The following CLSTN2 variants were observed in gnomAD, a reference collection of about 807,000 sequenced individuals.
CLSTN2 encodes calsyntenin 2.
In CLSTN2, 48 loss-of-function variants were observed where a neutral mutation model predicts 101.2. The observed-to-expected ratio is 0.47, with a 90% CI of 0.38 to 0.60. CLSTN2 has a LOEUF of 0.60. CLSTN2 is among the 20% of genes least tolerant of loss of function. The pLI, the probability that CLSTN2 is intolerant of heterozygous loss-of-function variation, is 0.00. For synonymous variants in CLSTN2, 481 were observed against 463.6 expected (o/e 1.04, Z -0.48); for missense variants, 1,160 against 1,238.2 (o/e 0.94, Z 0.95).
chr3:140,421,109 C>G lies in CLSTN2; in HGVS notation c.638-16C>G. ...TAAATTGACCTGAAATGCTTTTGAA[C>G]ATCTCTGTTCCTCAGGCAACATCAG... is the stretch of plus-strand genomic sequence containing the variant. On this transcript the variant is annotated splice_polypyrimidine_tract_variant and intron_variant, in intron 4 of 16. Transcript: ENST00000458420. 1 of 1,611,100 alleles carries G rather than the reference C, an allele frequency of 6.2e-7. No individual in the cohort carries two copies. The highest frequency in any genetic ancestry group is 8.5e-7 in the Non-Finnish European group (1 of 1,178,676).
At chr3:140,092,269 C>T (rs2008792065) in intron 1 of CLSTN2, among the ~76,000 whole-genome samples, 1 of 152,188 alleles carries the variant, frequency 6.6e-6, no homozygotes, top group Admixed American at 6.5e-5. Flanking sequence ...CACTTTTGGA[C>T]ATGCTGGATA....
At chr3:140,542,560 A>AT (rs961461574) in intron 9 of CLSTN2, among the ~76,000 whole-genome samples, 13 of 151,714 alleles carry the variant, frequency 8.6e-5, no homozygotes, top group Non-Finnish European at 1.3e-4. Flanking sequence ...TATATCTATT[A>AT]TTTTTTTTTA....
chr3:140,317,036 C>T (rs1239276239), intron 2 of CLSTN2, among the ~76,000 whole-genome samples: 1 of 152,124 alleles, frequency 6.6e-6, no homozygotes, highest in Non-Finnish European at 1.5e-5. Context: ...TGGTGTTAGG[C>T]AGAGTCATAA....
At chr3:140,059,498 T>C (rs1476468395) in intron 1 of CLSTN2, among the ~76,000 whole-genome samples, 1 of 152,126 alleles carries the variant, frequency 6.6e-6, no homozygotes, top group African/African-American at 2.4e-5. Flanking sequence ...GAGAGCTACA[T>C]GGAGAGGGTT....
At chr3:139,939,245 C>T (rs1040083887) in intron 1 of CLSTN2, among the ~76,000 whole-genome samples, 2 of 152,312 alleles carry the variant, frequency 1.3e-5, no homozygotes, top group Middle Eastern at 3.4e-3. Flanking sequence ...GTCACAGGCA[C>T]TGTTGCTAAT....
At position 140,566,509 on chromosome 3, in the gene CLSTN2, T is replaced by G; in HGVS notation, c.*256T>G. 2.2e-5 allele frequency: 11 copies of G among 510,058 alleles called. No individual in the cohort carries two copies. The highest frequency in any genetic ancestry group is 3.5e-5 in the Non-Finnish European group (10 of 282,740). The allele number at this position is 510,058 out of a possible 1,614,324, so 31.6% of individuals were successfully genotyped here. On this transcript the variant is annotated 3_prime_UTR_variant, in exon 17 of 17. Transcript: ENST00000458420. ...CTGTAGCCTCCACTTCTGCCCTAAG[T>G]TCCCCAGCATCCTGACTACCTGTCT...
At chr3:140,336,044 C>A (rs188080609) in intron 2 of CLSTN2, among the ~76,000 whole-genome samples, 152 of 152,212 alleles carry the variant, frequency 1.0e-3, no homozygotes, top group Middle Eastern at 3.4e-3. Context: ...GCTTTGGAAT[C>A]ACTTGAAAAA....
At chr3:140,402,635 A>C (rs1276448983) in intron 2 of CLSTN2, among the ~76,000 whole-genome samples, 1 of 152,152 alleles carries the variant, frequency 6.6e-6, no homozygotes, top group Non-Finnish European at 1.5e-5. Flanking sequence ...GGCCCCATTA[A>C]ATGATGCACC....
intron 2 of CLSTN2, among the ~76,000 whole-genome samples, chr3:140,330,492 C>T (rs2087372408): frequency 6.6e-6 from 1 of 152,160 alleles, no homozygotes; most frequent in Admixed American, 6.5e-5. Context: ...CCCCAGTTTG[C>T]CCATAGCAAT....
chr3:140,224,230 C>T (rs998168440), intron 2 of CLSTN2, among the ~76,000 whole-genome samples: 8 of 152,142 alleles, frequency 5.3e-5, no homozygotes, highest in East Asian at 1.9e-4. Flanking sequence ...TGACCAATGG[C>T]GAATCATTTA....
At chr3:140,040,736 T>G (rs1415391003) in intron 1 of CLSTN2, among the ~76,000 whole-genome samples, 1 of 152,144 alleles carries the variant, frequency 6.6e-6, no homozygotes, top group African/African-American at 2.4e-5. Flanking sequence ...TTACTTCTTA[T>G]TTAGTTTGAA....
chr3:140,503,800 G>A (rs530527337), intron 8 of CLSTN2, among the ~76,000 whole-genome samples: 26 of 152,244 alleles, frequency 1.7e-4, no homozygotes, highest in Non-Finnish European at 2.6e-4. Flanking sequence ...TTCGGCTATA[G>A]CCCCTGGTTT....
chr3:140,169,888 T>C (rs2010186253), intron 1 of CLSTN2, among the ~76,000 whole-genome samples: 1 of 152,154 alleles, frequency 6.6e-6, no homozygotes, highest in African/African-American at 2.4e-5. Flanking sequence ...CTGGGTACTA[T>C]GTTTGCATAC....
At chr3:140,321,795 G>A (rs533717694) in intron 2 of CLSTN2, among the ~76,000 whole-genome samples, 13 of 152,282 alleles carry the variant, frequency 8.5e-5, no homozygotes, top group Middle Eastern at 3.4e-3. Context: ...TTGGGAATAC[G>A]CTTTTCCCCC....
At chr3:140,322,689 A>G (rs2087295218) in intron 2 of CLSTN2, among the ~76,000 whole-genome samples, 2 of 152,196 alleles carry the variant, frequency 1.3e-5, no homozygotes, top group Non-Finnish European at 2.9e-5. Flanking sequence ...GGCACTTTGT[A>G]TTTTAGACTC....
chr3:140,238,245 G>A (rs1211627045), intron 2 of CLSTN2, among the ~76,000 whole-genome samples: 2 of 152,164 alleles, frequency 1.3e-5, no homozygotes, highest in African/African-American at 2.4e-5. Context: ...GTATTGAATA[G>A]AAATATAATC....
chr3:140,143,809 C>A (rs914665530), intron 1 of CLSTN2, among the ~76,000 whole-genome samples: 21 of 152,216 alleles, frequency 1.4e-4, no homozygotes, highest in Admixed American at 5.2e-4. Flanking sequence ...TGTTATGATT[C>A]TCACTTTCCT....
chr3:140,560,143 A>C (rs540185627), intron 12 of CLSTN2, among the ~76,000 whole-genome samples: 1 of 152,244 alleles, frequency 6.6e-6, no homozygotes, highest in Non-Finnish European at 1.5e-5. Flanking sequence ...GGCAGAGCAC[A>C]TAGCCAAGTG....
chr3:140,090,277 A>G (rs922143397), intron 1 of CLSTN2, among the ~76,000 whole-genome samples: 2 of 151,500 alleles, frequency 1.3e-5, no homozygotes, highest in South Asian at 2.1e-4. Flanking sequence ...GGTCATGCTG[A>G]CCTTAGCCAT....
Sources: allele counts gnomAD v4.1 joint callset (sites outside exome capture counted in the v4.1 genomes callset), GRCh38; gene constraint gnomAD v4.1.1; transcripts MANE v1.5; gene names NCBI Gene and HGNC (gene_info 2026-07-23, HGNC 2026-07-21).